The following ERI1 variants were observed in gnomAD, a reference collection of about 807,000 sequenced individuals.
ERI1 encodes the protein 3'-5' exoribonuclease 1.
ERI1 carries 39 observed loss-of-function variants against 39.7 expected under a neutral mutation model. The ratio of observed to expected loss-of-function variants is 0.98; its 90% CI spans 0.76 to 1.28. The LOEUF (loss-of-function observed/expected upper bound fraction) is 1.28, where lower values mean the gene tolerates loss of function less well. Among genes scored for constraint, ERI1 ranks in the 50% most tolerant of loss-of-function variants. ERI1 has a pLI of 0.00. For missense variants in ERI1, 581 were observed against 416.9 expected (o/e 1.39, Z -3.43); for synonymous variants, 204 against 149.6 (o/e 1.36, Z -2.65).
chr8:9,020,732 C>G (rs1167745189), intron 6 of ERI1, among the ~76,000 whole-genome samples: 1 of 152,130 alleles, frequency 6.6e-6, no homozygotes, highest in Non-Finnish European at 1.5e-5. Context: ...GTTCATGGAG[C>G]AAATGCTCCC....
At chr8:9,003,938 G>C (rs558823621) in intron 1 of ERI1, 1 of 495,806 alleles carries the variant, frequency 2.0e-6, no homozygotes, top group African/African-American at 2.0e-5. Flanking sequence ...CCATCTGGCA[G>C]CTAGAATGAG....
At chr8:9,027,647 T>C (rs1315739780) in intron 6 of ERI1, among the ~76,000 whole-genome samples, 2 of 152,224 alleles carry the variant, frequency 1.3e-5, no homozygotes, top group Non-Finnish European at 1.5e-5. Flanking sequence ...TTTAAGTTAA[T>C]TTTGTTATAT....
intron 3 of ERI1, among the ~76,000 whole-genome samples, chr8:9,088,883 C>T (rs1185294313): frequency 6.6e-6 from 1 of 152,170 alleles, no homozygotes; most frequent in Admixed American, 6.5e-5. Flanking sequence ...CATTCCCTGA[C>T]CAGGTCATGC....
intron 3 of ERI1, among the ~76,000 whole-genome samples, chr8:9,064,947 G>C (rs1798828270): frequency 6.6e-6 from 1 of 152,154 alleles, no homozygotes; most frequent in Admixed American, 6.5e-5. Context: ...GTAAGTAAAG[G>C]AAAAAGCGGG....
intron 6 of ERI1, among the ~76,000 whole-genome samples, chr8:9,025,396 T>TA (rs1328932855): frequency 2.0e-5 from 3 of 152,254 alleles, no homozygotes; most frequent in Admixed American, 6.5e-5. Flanking sequence ...TCCAGCTTCT[T>TA]ATAGGGACTT....
intron 3 of ERI1, among the ~76,000 whole-genome samples, chr8:9,061,440 G>T (rs13266077): frequency 0.3 from 44,933 of 152,092 alleles, 6,833 homozygotes; most frequent in East Asian, 0.41. Flanking sequence ...AAATAGACTT[G>T]GGAAGTTATG....
chr8:9,026,861 A>C (rs1471809289), intron 6 of ERI1, among the ~76,000 whole-genome samples: 1 of 151,394 alleles, frequency 6.6e-6, no homozygotes, highest in African/African-American at 2.4e-5. Context: ...ACCACGTTAA[A>C]AAAAAAAAAA....
chr8:9,042,430 CT>C (rs1206680621), intron 3 of ERI1, among the ~76,000 whole-genome samples: 2 of 152,184 alleles, frequency 1.3e-5, no homozygotes, highest in South Asian at 2.1e-4. Flanking sequence ...CAAACAGATG[CT>C]TATTTCCTCA....
intron 3 of ERI1, among the ~76,000 whole-genome samples, chr8:9,089,406 G>A (rs1799636167): frequency 6.6e-6 from 1 of 152,192 alleles, no homozygotes; most frequent in Non-Finnish European, 1.5e-5. Flanking sequence ...CACGCAGCCT[G>A]GATCTCTTTC....
At chr8:9,038,821 GAT>G (rs1173503400) in intron 3 of ERI1, among the ~76,000 whole-genome samples, 2 of 152,200 alleles carry the variant, frequency 1.3e-5, no homozygotes, top group African/African-American at 4.8e-5. Flanking sequence ...ACTTTAATGA[GAT>G]AATGTTTTTA....
At chr8:9,075,549 T>C (rs1048530464) in intron 3 of ERI1, among the ~76,000 whole-genome samples, 10 of 151,878 alleles carry the variant, frequency 6.6e-5, no homozygotes, top group Non-Finnish European at 1.2e-4. Context: ...GGAATAGCAC[T>C]GACCCTATTA....
At chr8:9,085,291 C>T (rs1799490422) in intron 3 of ERI1, among the ~76,000 whole-genome samples, 1 of 152,202 alleles carries the variant, frequency 6.6e-6, no homozygotes, top group Non-Finnish European at 1.5e-5. Context: ...TTACTGCAAA[C>T]TCTGCCTCCT....
chr8:9,090,685 C>G (rs1264296714), intron 3 of ERI1, among the ~76,000 whole-genome samples: 1 of 152,052 alleles, frequency 6.6e-6, no homozygotes, highest in Admixed American at 6.6e-5. Flanking sequence ...AAACTATGTC[C>G]TCAGTTATAG....
chr8:9,051,472 C>T (rs1432968374), intron 3 of ERI1, among the ~76,000 whole-genome samples: 1 of 152,062 alleles, frequency 6.6e-6, no homozygotes, highest in Non-Finnish European at 1.5e-5. Context: ...GCCTGGCCAA[C>T]ATGGTGAAAG....
intron 3 of ERI1, among the ~76,000 whole-genome samples, chr8:9,073,051 T>A (rs1439456869): frequency 2.0e-5 from 3 of 152,276 alleles, no homozygotes; most frequent in Admixed American, 6.5e-5. Context: ...AGGATTTTTT[T>A]ATTTTTATTC....
At chr8:9,033,400 G>C (rs1282581682), downstream of ERI1, 1 of 151,510 alleles carries the variant, frequency 6.6e-6, no homozygotes, top group Admixed American at 6.6e-5. Context: ...TGGCAGAGTT[G>C]AATAGCTGCA....
At chr8:9,022,278 TA>T (rs926085462) in intron 6 of ERI1, among the ~76,000 whole-genome samples, 1 of 152,150 alleles carries the variant, frequency 6.6e-6, no homozygotes, top group Non-Finnish European at 1.5e-5. Context: ...CTGACTGTTT[TA>T]AAAAAAATTG....
intron 3 of ERI1, chr8:9,096,941 C>G (rs1291478616): frequency 3.9e-5 from 6 of 152,026 alleles, no homozygotes; most frequent in Admixed American, 1.3e-4. Flanking sequence ...ATCTCACGCA[C>G]CCATCCTGCA....
intron 6 of ERI1, among the ~76,000 whole-genome samples, chr8:9,028,441 T>C (rs1315510239): frequency 6.6e-6 from 1 of 152,172 alleles, no homozygotes; most frequent in African/African-American, 2.4e-5. Flanking sequence ...AAGATAATTA[T>C]AGGTGTTTTA....
Sources: gnomAD v4.1 joint callset for allele counts (sites outside exome capture counted in the v4.1 genomes callset) on GRCh38, gnomAD v4.1.1 for gene constraint, MANE v1.5 for transcripts, NCBI Gene and HGNC (gene_info 2026-07-23, HGNC 2026-07-21) for gene names.